Variants in AXL observed in about 807,000 individuals in gnomAD.
AXL encodes tyrosine-protein kinase receptor UFO.
Under a neutral mutation model 104.5 loss-of-function variants are expected in AXL, and 52 were observed. The ratio of observed to expected loss-of-function variants is 0.50; its 90% CI spans 0.40 to 0.63. The LOEUF is 0.63. AXL is among the 20% of genes least tolerant of loss of function. The probability of loss-of-function intolerance (pLI) is 0.00; values close to 1 mark genes in which losing one functional copy is unlikely to be tolerated. For synonymous variants in AXL, 455 were observed against 473.7 expected (o/e 0.96, Z 0.51); for missense variants, 1,024 against 1,188.5 (o/e 0.86, Z 2.04).
At chr19:41,241,568 GAAAGAAAA>G (rs2034183072) in intron 10 of AXL, among the ~76,000 whole-genome samples, 2 of 141,008 alleles carry the variant, frequency 1.4e-5, no homozygotes, top group South Asian at 2.3e-4. Context: ...AAGAAAGAAA[GAAAGAAAA>G]AAAGAAAGAA....
intron 12 of AXL, among the ~76,000 whole-genome samples, chr19:41,247,480 G>T (rs569938599): frequency 2.6e-5 from 4 of 151,820 alleles, no homozygotes; most frequent in Non-Finnish European, 5.9e-5. Flanking sequence ...TCCAGCCTGG[G>T]CAACAGGAAC....
chr19:41,234,535 AAAAAAAG>A (rs2034046531), intron 6 of AXL, among the ~76,000 whole-genome samples: 1 of 152,142 alleles, frequency 6.6e-6, no homozygotes, highest in South Asian at 2.1e-4. Context: ...ACCCTGCCTA[AAAAAAAG>A]AAAAAAGAAA....
intron 12 of AXL, among the ~76,000 whole-genome samples, chr19:41,246,834 T>C (rs114806364): frequency 0.45 from 68,534 of 152,036 alleles, 16,401 homozygotes; most frequent in African/African-American, 0.61. Flanking sequence ...GGTGAACCAC[T>C]GTGAACCACT....
chr19:41,244,644 T>G (rs2034241708), intron 12 of AXL, among the ~76,000 whole-genome samples: 1 of 152,156 alleles, frequency 6.6e-6, no homozygotes, highest in Admixed American at 6.5e-5. Context: ...CACATCTGGC[T>G]AATTTTTGCA....
chr19:41,242,828 C>T, intron 10 of AXL, 55 bp from the exon 11 acceptor site: 1 of 1,607,174 alleles, frequency 6.2e-7, no homozygotes, highest in South Asian at 1.1e-5. Context: ...CTTTGGGTCC[C>T]AGAGAGCTGG....
chr19:41,242,179 GT>G (rs1214992060), intron 10 of AXL, among the ~76,000 whole-genome samples: 2 of 151,738 alleles, frequency 1.3e-5, no homozygotes, highest in South Asian at 2.1e-4. Flanking sequence ...CCACTCTTCT[GT>G]TTTTTTGGAT....
chr19:41,237,866 C>T, intron 6 of AXL, 78 bp from the exon 7 acceptor site: 1 of 1,389,602 alleles, frequency 7.2e-7, no homozygotes, highest in Middle Eastern at 1.8e-4. Context: ...TCACACCAGA[C>T]CACCACCACT....
Position 41,259,912 on chromosome 19 carries a change from C to T in AXL, c.*8C>T. 3 of 1,546,872 alleles carry T rather than the reference C, an allele frequency of 1.9e-6. No individual in the cohort carries two copies. The highest frequency in any genetic ancestry group is 2.6e-6 in the Non-Finnish European group (3 of 1,144,980). ...CAGGAGGATGGTGCCTGAGACAACCCTCCACCTGGTACTCCCTCTCAGGAT... is the reference window on the plus strand; with the variant it reads ...CAGGAGGATGGTGCCTGAGACAACCTTCCACCTGGTACTCCCTCTCAGGAT... On this transcript the variant is annotated 3_prime_UTR_variant, in exon 20 of 20. Transcript: ENST00000301178.
intron 15 of AXL, 144 bp from the exon 16 acceptor site, chr19:41,252,702 G>A: frequency 3.5e-6 from 5 of 1,428,988 alleles, no homozygotes; most frequent in Non-Finnish European, 4.7e-6. Context: ...TCTGCAGCTT[G>A]GTCCTTGCCA....
At position 41,253,728 on chromosome 19, in the gene AXL, C is replaced by CG. The variant is rs748450219; in HGVS notation, c.2036+20_2036+21insG. 2.9e-5 allele frequency: 13 copies of CG among 452,034 alleles called. No homozygotes were observed. In the South Asian group the frequency reaches 4.4e-4, roughly 15 times the overall value. The allele number at this position is 452,034 out of a possible 1,614,324, so 28.0% of individuals were successfully genotyped here. Reference sequence around the variant, plus strand: ...CTGCATGTGAGTGCCTTTCAGGGACCCCCCCCCCCCAACTGCTCCTGCACT... The same window carrying CG: ...CTGCATGTGAGTGCCTTTCAGGGACCGCCCCCCCCCCAACTGCTCCTGCACT... On this transcript the variant is annotated intron_variant, in intron 17 of 19. Transcript: ENST00000301178.
chr19:41,221,875 G>C lies in AXL; in HGVS notation c.410-5G>C, dbSNP rs372322012. The C allele has an allele frequency of 6.2e-7, 1 of 1,613,030 alleles. No individual in the cohort carries two copies. Among genetic ancestry groups the C allele is most frequent in the Non-Finnish European group, 8.5e-7 (1 of 1,179,650 alleles). On this transcript the variant is annotated splice_region_variant and splice_polypyrimidine_tract_variant and intron_variant, in intron 3 of 19. Coordinates refer to ENST00000301178, the MANE Select transcript of AXL (RefSeq NM_021913.5). ...CCCAGCCTCTACCACTGCCCACCCCGCTAGGCTTGCCTTACTTCCTGGAGG... is the reference window on the plus strand; with the variant it reads ...CCCAGCCTCTACCACTGCCCACCCCCCTAGGCTTGCCTTACTTCCTGGAGG...
chr19:41,256,239 C>T, intron 17 of AXL, among the ~76,000 whole-genome samples: 1 of 152,166 alleles, frequency 6.6e-6, no homozygotes, highest in East Asian at 1.9e-4. Context: ...ATTGGGAAGT[C>T]CTGAGGAAGC....
chr19:41,259,868 C>T lies in AXL; in HGVS notation c.2649C>T (p.Gly883=), dbSNP rs764635775. ...TPSPAQPADR[G]SPAAPGQEDG... is the part of the protein sequence containing the mutation. ...GCCCCGCTCAGCCTGCTGATAGGGG[C>T]TCCCCAGCAGCCCCAGGGCAGGAGG... The change falls in exon 20 of 20, where the codon GGC becomes GGT. Residue 883 remains glycine (G), a synonymous_variant. Coordinates refer to ENST00000301178, the MANE Select transcript of AXL (RefSeq NM_021913.5). 2 of 1,601,528 alleles carry T rather than the reference C, an allele frequency of 1.2e-6. No individual in the cohort carries two copies. Among genetic ancestry groups the T allele is most frequent in the East Asian group, 2.2e-5 (1 of 44,722 alleles).
chr19:41,246,971 G>A (rs2034282137), intron 12 of AXL, among the ~76,000 whole-genome samples: 1 of 151,956 alleles, frequency 6.6e-6, no homozygotes, highest in African/African-American at 2.4e-5. Flanking sequence ...GTTTGAGAAT[G>A]ATTATATAAC....
Position 41,226,401 on chromosome 19 carries a change from C to G in AXL, c.586+4345C>G, listed in dbSNP as rs377232442. ...ACTGTACTGTTTCTCCTCCGGGCGG[C>G]GCGGGGGCTGCGGGCGCGGGGCCTT... On this transcript the variant is annotated intron_variant, in intron 4 of 19. Coordinates refer to ENST00000301178, the MANE Select transcript of AXL (RefSeq NM_021913.5). Among the ~76,000 whole-genome samples, 11 of 152,246 alleles carry G rather than the reference C, an allele frequency of 7.2e-5. No individual in the cohort carries two copies. The East Asian group carries it at 1.4e-3, about 19-fold the overall frequency.
At chr19:41,222,779 G>A (rs975361411) in intron 4 of AXL, among the ~76,000 whole-genome samples, 5 of 151,640 alleles carry the variant, frequency 3.3e-5, no homozygotes, top group Non-Finnish European at 7.4e-5. Flanking sequence ...GGTGGCGGGC[G>A]CCTGTAGTCC....
At chr19:41,250,900 C>T (rs926312202) in intron 14 of AXL, among the ~76,000 whole-genome samples, 1 of 152,126 alleles carries the variant, frequency 6.6e-6, no homozygotes, top group Non-Finnish European at 1.5e-5. Context: ...GAATCTCAGC[C>T]GTGCAACCTT....
intron 1 of AXL, 124 bp downstream of exon 1, chr19:41,219,601 A>G: frequency 1.8e-6 from 2 of 1,111,172 alleles, no homozygotes; most frequent in Non-Finnish European, 1.3e-6. Context: ...TTGGGACCAC[A>G]GAAAAGGGAC....
At chr19:41,226,709 C>T in intron 4 of AXL, 1 of 981,268 alleles carries the variant, frequency 1.0e-6, no homozygotes, top group Non-Finnish European at 1.2e-6. Context: ...CAGATACACG[C>T]AGGGTCACAA....
Sources: allele counts gnomAD v4.1 joint callset (sites outside exome capture counted in the v4.1 genomes callset), GRCh38; gene constraint gnomAD v4.1.1; transcripts MANE v1.5; gene names NCBI Gene and HGNC (gene_info 2026-07-23, HGNC 2026-07-21).